LPCAT2: variants seen among roughly 807,000 people sequenced by gnomAD.
LPCAT2 encodes 1-AGP acyltransferase 11.
LPCAT2 carries 58 observed loss-of-function variants against 64.7 expected under a neutral mutation model. That is an observed-to-expected ratio of 0.90 (90% CI 0.73 to 1.12). The LOEUF is 1.12. LPCAT2 is among the 50% of genes most tolerant of loss of function. The pLI is 0.00. For missense variants in LPCAT2, 579 were observed against 669.8 expected (o/e 0.86, Z 1.50); for synonymous variants, 252 against 245.3 (o/e 1.03, Z -0.26).
In LPCAT2 at chr16:55,549,344, C is replaced by T. The variant is rs1963489715; in HGVS notation, c.1003C>T (p.Leu335=). The T allele has an allele frequency of 6.2e-7, 1 of 1,603,430 alleles. No individual in the cohort carries two copies. The highest frequency in any genetic ancestry group is 1.1e-5 in the South Asian group (1 of 88,852). Residue 335 remains leucine (L), a synonymous_variant, in exon 10 of 14, where the codon CTA becomes TTA. Transcript: ENST00000262134. ...CAGATTGATGATTTCAGCAGGACAGCTAACATTGCCTATGGAAGCTGGGCT... is the reference window on the plus strand; with the variant it reads ...CAGATTGATGATTTCAGCAGGACAGTTAACATTGCCTATGGAAGCTGGGCT... The part of the protein sequence containing the change: ...DCRLMISAGQ[L]TLPMEAGLVE...
rs80089781 is a variant in LPCAT2, at chr16:55,570,579, C to T, written c.1216-4052C>T. 2.1e-3 allele frequency among the ~76,000 whole-genome samples: 320 copies of T among 152,162 alleles called. 6 individuals are homozygous for T. In the South Asian group the frequency reaches 0.029, roughly 14 times the overall value. ...AGCCCGGGGGGTCCAGCCTGAGTGA[C>T]ATAGGGAGACCCTGTCTTGAAAAAA... is the stretch of plus-strand genomic sequence containing the variant. On this transcript the variant is annotated intron_variant, in intron 11 of 13. Coordinates refer to ENST00000262134, the MANE Select transcript of LPCAT2 (RefSeq NM_017839.5).
intron 13 of LPCAT2, among the ~76,000 whole-genome samples, chr16:55,581,057 CTAAAT>C (rs1223091465): frequency 2.6e-5 from 4 of 152,288 alleles, no homozygotes; most frequent in African/African-American, 7.2e-5. Flanking sequence ...TTTCCATTAT[CTAAAT>C]TAATGCTCAA....
At chr16:55,556,891 A>G (rs1320056336) in intron 11 of LPCAT2, 1 of 152,292 alleles carries the variant, frequency 6.6e-6, no homozygotes, top group African/African-American at 2.4e-5. Context: ...AAAGATTAAA[A>G]TAACTGCCAG....
At chr16:55,569,431 G>A (rs1251422657) in intron 11 of LPCAT2, among the ~76,000 whole-genome samples, 2 of 152,182 alleles carry the variant, frequency 1.3e-5, no homozygotes, top group African/African-American at 4.8e-5. Flanking sequence ...AGGCATGGAT[G>A]TAGTAAAGTA....
chr16:55,532,861 C>T lies in LPCAT2; in HGVS notation c.741C>T (p.Leu247=), dbSNP rs762828192. The change falls in exon 6 of 14, where the codon CTC becomes CTT. Residue 247 remains leucine (L), a synonymous_variant. Transcript: ENST00000262134. ...CAGGAGTTCCAGTGCAGCCAGTCCTCCTCAGATACCCAAACAAGCTGGTAA... is the reference window on the plus strand; with the variant it reads ...CAGGAGTTCCAGTGCAGCCAGTCCTTCTCAGATACCCAAACAAGCTGGTAA... ...FIPGVPVQPV[L]LRYPNKLDTV... 2.5e-6 allele frequency: 4 copies of T among 1,612,104 alleles called. No homozygotes were observed. The South Asian group carries it at 3.3e-5, about 13-fold the overall frequency.
intron 1 of LPCAT2, 64 bp downstream of exon 1, chr16:55,509,416 G>T: frequency 1.5e-6 from 2 of 1,316,796 alleles, no homozygotes; most frequent in Non-Finnish European, 2.0e-6. Flanking sequence ...GGGGGGTCCA[G>T]GTAAGGGGTG....
chr16:55,567,527 C>A, intron 11 of LPCAT2: 1 of 1,602,164 alleles, frequency 6.2e-7, no homozygotes, highest in Non-Finnish European at 8.5e-7. Context: ...AAGTCAAGAT[C>A]CTCCCTGGAG....
intron 11 of LPCAT2, chr16:55,567,216 T>C: frequency 2.5e-6 from 4 of 1,613,816 alleles, no homozygotes; most frequent in South Asian, 2.2e-5. Flanking sequence ...CATCAAGAAA[T>C]GGCAGTGTGT....
chr16:55,521,648 A>G (rs1199049974), intron 1 of LPCAT2, among the ~76,000 whole-genome samples: 1 of 151,798 alleles, frequency 6.6e-6, no homozygotes, highest in Non-Finnish European at 1.5e-5. Flanking sequence ...TTCTAAATTT[A>G]TCTTATATCA....
chr16:55,517,959 C>A (rs146054353), intron 1 of LPCAT2, among the ~76,000 whole-genome samples: 1 of 152,174 alleles, frequency 6.6e-6, no homozygotes, highest in Admixed American at 6.5e-5. Context: ...CTAGCAAGGG[C>A]GCTTAGGCCA....
In LPCAT2 at chr16:55,579,181, G is replaced by A; in HGVS notation, c.1387G>A (p.Val463Met). The stretch of plus-strand genomic sequence containing the variant: ...CACCATTCTACAGGCTTCCCTTGGA[G>A]TGCCTGACCTTGATGTTTCTGGTCT... ...FSTILQASLG[V>M]PDLDVSGLFK... The change falls in exon 13 of 14, where the codon GTG becomes ATG. Residue 463 changes from valine to methionine, a missense_variant. Coordinates refer to ENST00000262134, the MANE Select transcript of LPCAT2 (RefSeq NM_017839.5). 6.2e-7 allele frequency: 1 copy of A among 1,613,468 alleles called. No individual in the cohort carries two copies.
At chr16:55,522,994 A>T (rs1165111461) in intron 1 of LPCAT2, among the ~76,000 whole-genome samples, 1 of 151,746 alleles carries the variant, frequency 6.6e-6, no homozygotes, top group Non-Finnish European at 1.5e-5. Context: ...TAATCAAAAG[A>T]TACCATTAAG....
At position 55,509,284 on chromosome 16, in the gene LPCAT2, T is replaced by A; in HGVS notation, c.103T>A (p.Phe35Ile). The change falls in exon 1 of 14, where the codon TTC becomes ATC. Residue 35 changes from phenylalanine to isoleucine, a missense_variant. By Grantham distance (21) the Phe-to-Ile change is conservative. Coordinates refer to ENST00000262134, the MANE Select transcript of LPCAT2 (RefSeq NM_017839.5). ...GCCCATGGTGCCCCGTCAGGCGTCC[T>A]TCTTCCCGCCGCCGGTGCCGAACCC... is the stretch of plus-strand genomic sequence containing the variant. ...RPPMVPRQAS[F>I]FPPPVPNPFV... is the part of the protein sequence containing the mutation. 5 of 1,513,214 alleles carry A rather than the reference T, an allele frequency of 3.3e-6. No individual in the cohort carries two copies. Among genetic ancestry groups the A allele is most frequent in the Non-Finnish European group, 3.6e-6 (4 of 1,123,234 alleles). The allele number at this position is 1,513,214 out of a possible 1,614,324, so 93.7% of individuals were successfully genotyped here.
chr16:55,509,539 G>A (rs1343317642), intron 1 of LPCAT2, among the ~76,000 whole-genome samples, 187 bp downstream of exon 1: 2 of 151,296 alleles, frequency 1.3e-5, no homozygotes, highest in Non-Finnish European at 3.0e-5. Flanking sequence ...ATGGGTCTGA[G>A]GAGGGAGGTG....
chr16:55,533,433 C>G (rs1387553173), intron 6 of LPCAT2, among the ~76,000 whole-genome samples: 1 of 84,846 alleles, frequency 1.2e-5, no homozygotes, highest in Non-Finnish European at 2.0e-5. Flanking sequence ...TTTTTTGAGA[C>G]AGAGTCTTGC....
chr16:55,581,500 T>G (rs1240253587), intron 13 of LPCAT2, among the ~76,000 whole-genome samples: 1 of 152,112 alleles, frequency 6.6e-6, no homozygotes, highest in Admixed American at 6.5e-5. Flanking sequence ...TTTTTTGAGA[T>G]ACGGTCTCAC....
At chr16:55,537,237 T>A (rs781360849) in intron 7 of LPCAT2, among the ~76,000 whole-genome samples, 17 of 152,138 alleles carry the variant, frequency 1.1e-4, no homozygotes, top group Admixed American at 3.3e-4. Context: ...TCAAGAATAC[T>A]TGTCTAAGCC....
In LPCAT2 at chr16:55,532,814, G is replaced by A. The variant is rs1229322600; in HGVS notation, c.704-10G>A. The A allele has an allele frequency of 7.5e-6, 12 of 1,606,416 alleles. No homozygotes were observed. Among genetic ancestry groups the A allele is most frequent in the African/African-American group, 1.3e-5 (1 of 74,644 alleles). On this transcript the variant is annotated splice_polypyrimidine_tract_variant and intron_variant, in intron 5 of 13. Transcript: ENST00000262134. ...TAAAAACACATTATAAACTTTCAATGTGGTTGCAGGAGCCTTCATTCCAGG... is the reference window on the plus strand; with the variant it reads ...TAAAAACACATTATAAACTTTCAATATGGTTGCAGGAGCCTTCATTCCAGG...
intron 1 of LPCAT2, among the ~76,000 whole-genome samples, chr16:55,524,076 C>A (rs1405037073): frequency 1.3e-5 from 2 of 151,812 alleles, no homozygotes; most frequent in East Asian, 3.9e-4. Flanking sequence ...ATTTCCACTG[C>A]TAGGTATTTA....
Sources: gnomAD v4.1 joint callset for allele counts (sites outside exome capture counted in the v4.1 genomes callset) on GRCh38, gnomAD v4.1.1 for gene constraint, MANE v1.5 for transcripts, NCBI Gene and HGNC (gene_info 2026-07-23, HGNC 2026-07-21) for gene names.